The following ZFAND6 variants were observed in gnomAD, a reference collection of about 807,000 sequenced individuals.
The protein encoded by ZFAND6 is zinc finger AN1-type containing 6.
A neutral mutation model predicts 24.5 loss-of-function variants in ZFAND6; 12 were observed. The ratio of observed to expected loss-of-function variants is 0.49; its 90% CI spans 0.31 to 0.79. ZFAND6 has a LOEUF of 0.79. ZFAND6 is among the 30% of genes least tolerant of loss of function. The pLI is 0.04. For synonymous variants in ZFAND6, 92 were observed against 81.5 expected (o/e 1.13, Z -0.69); for missense variants, 207 against 245.9 (o/e 0.84, Z 1.06).
chr15:80,132,742 C>T (rs186735018), intron 6 of ZFAND6, among the ~76,000 whole-genome samples: 12 of 152,202 alleles, frequency 7.9e-5, no homozygotes, highest in Non-Finnish European at 1.8e-4. Flanking sequence ...CCATAAGACT[C>T]GTATAAAGTG....
chr15:80,091,055 A>T (rs753975169), intron 1 of ZFAND6, among the ~76,000 whole-genome samples: 5 of 152,188 alleles, frequency 3.3e-5, no homozygotes, highest in African/African-American at 1.2e-4. Flanking sequence ...TATGGTCACC[A>T]TAGGTGTTAC....
At chr15:80,086,653 T>C (rs1034158903) in intron 1 of ZFAND6, among the ~76,000 whole-genome samples, 1 of 152,256 alleles carries the variant, frequency 6.6e-6, no homozygotes, top group Non-Finnish European at 1.5e-5. Context: ...GCTTAATCTT[T>C]TATTGTGATA....
At chr15:80,073,807 A>G (rs2037113182) in intron 1 of ZFAND6, among the ~76,000 whole-genome samples, 2 of 152,010 alleles carry the variant, frequency 1.3e-5, no homozygotes, top group South Asian at 2.1e-4. Flanking sequence ...TTCAGTAACT[A>G]TGTAATTCTC....
chr15:80,086,040 A>G (rs2037981014), intron 1 of ZFAND6, among the ~76,000 whole-genome samples: 1 of 151,834 alleles, frequency 6.6e-6, no homozygotes. Context: ...TATTTTATTT[A>G]TTTATTTGTT....
intron 6 of ZFAND6, among the ~76,000 whole-genome samples, chr15:80,132,941 T>TAA (rs3974671): frequency 0.57 from 82,705 of 145,080 alleles, 24,684 homozygotes; most frequent in Non-Finnish European, 0.68. Flanking sequence ...GGACTATTGT[T>TAA]AAAAAAAAAA....
At chr15:80,130,168 G>A (rs1389772689) in intron 5 of ZFAND6, 1 of 152,208 alleles carries the variant, frequency 6.6e-6, no homozygotes, top group Non-Finnish European at 1.5e-5. Context: ...GGGAACTCAT[G>A]AGGTGCCCAG....
intron 1 of ZFAND6, among the ~76,000 whole-genome samples, chr15:80,096,801 T>TA (rs1017409413): frequency 1.3e-5 from 2 of 152,084 alleles, no homozygotes; most frequent in Admixed American, 6.6e-5. Flanking sequence ...CCAGTGTACA[T>TA]ATAGGGGAAA....
chr15:80,117,255 C>T (rs2039921281), intron 2 of ZFAND6, among the ~76,000 whole-genome samples: 1 of 151,610 alleles, frequency 6.6e-6, no homozygotes, highest in Admixed American at 6.6e-5. Context: ...CGGAGTCTCG[C>T]TCTGTTGCCC....
At chr15:80,077,900 A>G (rs974355430) in intron 1 of ZFAND6, among the ~76,000 whole-genome samples, 1 of 151,464 alleles carries the variant, frequency 6.6e-6, no homozygotes, top group Admixed American at 6.6e-5. Context: ...GGGTTTCACC[A>G]TATTGGCCAG....
chr15:80,084,877 G>A (rs1379119930), intron 1 of ZFAND6, among the ~76,000 whole-genome samples: 1 of 152,218 alleles, frequency 6.6e-6, no homozygotes, highest in Non-Finnish European at 1.5e-5. Context: ...CTAAGCTGCA[G>A]TCTGAACCTA....
intron 1 of ZFAND6, among the ~76,000 whole-genome samples, chr15:80,088,512 G>T (rs2038142213): frequency 1.3e-5 from 2 of 152,176 alleles, no homozygotes. Context: ...GTTGCAGTGA[G>T]CCGAGATTGT....
chr15:80,101,925 T>G (rs2039056186), intron 2 of ZFAND6, among the ~76,000 whole-genome samples: 1 of 151,364 alleles, frequency 6.6e-6, no homozygotes. Flanking sequence ...CCGGAGTAGC[T>G]GGGACTACAG....
At chr15:80,101,916 C>G (rs183312886) in intron 2 of ZFAND6, among the ~76,000 whole-genome samples, 1 of 151,124 alleles carries the variant, frequency 6.6e-6, no homozygotes, top group African/African-American at 2.4e-5. Flanking sequence ...CCTTAGCTTC[C>G]GGAGTAGCTG....
intron 6 of ZFAND6, among the ~76,000 whole-genome samples, chr15:80,131,748 A>G (rs563897213): frequency 6.6e-6 from 1 of 152,380 alleles, no homozygotes; most frequent in African/African-American, 2.4e-5. Context: ...CTACTGTAAC[A>G]TAGCTATCAG....
At chr15:80,072,351 C>T (rs1363244026) in intron 1 of ZFAND6, among the ~76,000 whole-genome samples, 2 of 152,188 alleles carry the variant, frequency 1.3e-5, no homozygotes, top group South Asian at 2.1e-4. Flanking sequence ...GGTAAGCAAA[C>T]AGTATATGAT....
intron 3 of ZFAND6, 23 bp downstream of exon 3, chr15:80,120,521 G>T: frequency 6.8e-7 from 1 of 1,476,442 alleles, no homozygotes; most frequent in Non-Finnish European, 9.1e-7. Context: ...AGTGAAACCC[G>T]TCTATATTCA....
intron 2 of ZFAND6, chr15:80,111,374 C>G (rs909236336): frequency 1.0e-5 from 4 of 386,350 alleles, no homozygotes; most frequent in African/African-American, 4.2e-5. Flanking sequence ...TTAACTCTTG[C>G]AGTCAACCCT....
rs539413200 is a variant in ZFAND6, at chr15:80,091,637, A to T, written c.-180-6779A>T. On this transcript the variant is annotated intron_variant, in intron 1 of 6. Coordinates refer to ENST00000261749, the MANE Select transcript of ZFAND6 (RefSeq NM_019006.4). Reference sequence around the variant, plus strand: ...ACAAATTTTTAATATATTTACTATTAAAAAAAAAACTTTTTTTAAGAGACA... The same window carrying T: ...ACAAATTTTTAATATATTTACTATTTAAAAAAAAACTTTTTTTAAGAGACA... 4.4e-3 allele frequency among the ~76,000 whole-genome samples: 620 copies of T among 141,252 alleles called. 4 individuals carry two copies. Among genetic ancestry groups the T allele is most frequent in the African/African-American group, 0.015 (586 of 37,982 alleles). The allele number at this position is 141,252 out of a possible 152,430, so 92.7% of individuals were successfully genotyped here.
chr15:80,122,376 A>G (rs11635107), intron 4 of ZFAND6, among the ~76,000 whole-genome samples: 1 of 152,080 alleles, frequency 6.6e-6, no homozygotes, highest in African/African-American at 2.4e-5. Flanking sequence ...CAGTTTTGCT[A>G]TGCCAGAATA....
Sources: allele counts gnomAD v4.1 joint callset (sites outside exome capture counted in the v4.1 genomes callset), GRCh38; gene constraint gnomAD v4.1.1; transcripts MANE v1.5; gene names NCBI Gene and HGNC (gene_info 2026-07-23, HGNC 2026-07-21).